The following C11orf65 variants were observed in gnomAD, a reference collection of about 807,000 sequenced individuals.
C11orf65 encodes the protein chromosome 11 open reading frame 65.
C11orf65 carries 38 observed loss-of-function variants against 35.3 expected under a neutral mutation model. That is an observed-to-expected ratio of 1.08 (90% CI 0.83 to 1.41). The LOEUF is 1.41. C11orf65 is among the 40% of genes most tolerant of loss of function. The pLI is 0.00. For synonymous variants in C11orf65, 105 were observed against 114.4 expected (o/e 0.92, Z 0.53); for missense variants, 370 against 367.1 (o/e 1.01, Z -0.06).
chr11:108,375,734 G>T (rs2091704484), intron 2 of C11orf65, among the ~76,000 whole-genome samples: 1 of 152,052 alleles, frequency 6.6e-6, no homozygotes, highest in Admixed American at 6.6e-5. Flanking sequence ...CTGTATTCAG[G>T]AAACCCATCT....
At chr11:108,340,091 A>G (rs764316396) in intron 2 of C11orf65, 4 of 152,174 alleles carry the variant, frequency 2.6e-5, no homozygotes, top group Non-Finnish European at 5.9e-5. Flanking sequence ...TTATAATGCA[A>G]AGTGTATTGT....
At chr11:108,453,117 G>C (rs1419500240) in intron 2 of C11orf65, among the ~76,000 whole-genome samples, 1 of 3,002 alleles carries the variant, frequency 3.3e-4, no homozygotes, top group Non-Finnish European at 2.5e-3. Flanking sequence ...CCTGCACGTT[G>C]TGCATGTACC....
At chr11:108,383,554 C>G (rs1297990955) in intron 8 of C11orf65, among the ~76,000 whole-genome samples, 1 of 152,338 alleles carries the variant, frequency 6.6e-6, no homozygotes, top group East Asian at 1.9e-4. Flanking sequence ...CTTAGAGCAT[C>G]TGGTATTTAG....
At chr11:108,350,802 A>C (rs2089108783) in intron 2 of C11orf65, among the ~76,000 whole-genome samples, 1 of 152,206 alleles carries the variant, frequency 6.6e-6, no homozygotes, top group African/African-American at 2.4e-5. Flanking sequence ...TGCCAACCTG[A>C]GTCCATTCAG....
chr11:108,327,659 A>G (rs2136373497), downstream of C11orf65: 2 of 1,613,830 alleles, frequency 1.2e-6, no homozygotes, highest in Non-Finnish European at 1.7e-6. Context: ...ATCCCAGCCT[A>G]AAACTTACAT....
intron 2 of C11orf65, among the ~76,000 whole-genome samples, chr11:108,352,386 T>A (rs940546303): frequency 2.0e-5 from 3 of 151,924 alleles, no homozygotes; most frequent in Admixed American, 2.0e-4. Context: ...GTAAATAAAA[T>A]AAAAAATTTC....
chr11:108,385,022 C>T (rs1309827635), intron 8 of C11orf65, among the ~76,000 whole-genome samples: 1 of 152,132 alleles, frequency 6.6e-6, no homozygotes, highest in African/African-American at 2.4e-5. Context: ...AAACTATTTT[C>T]AACATTTTGA....
chr11:108,464,329 G>A (rs1311845669), intron 1 of C11orf65, among the ~76,000 whole-genome samples: 4 of 143,240 alleles, frequency 2.8e-5, no homozygotes, highest in Admixed American at 2.2e-4. Context: ...ACGGAGTCTC[G>A]CTCTGTCGCC....
In C11orf65 at chr11:108,393,332, G is replaced by A. The variant is rs1355310878; in HGVS notation, c.607C>T (p.Leu203=). Residue 203 remains leucine (L), a synonymous_variant, in exon 7 of 9, where the codon CTA becomes TTA. Coordinates refer to ENST00000393084, the MANE Select transcript of C11orf65 (RefSeq NM_152587.5). ...LEAKSTHHET[L]GLIHTATKGL... ...TTTGTTGCAGTGTGAATTAGTCCTA[G>A]AGTTTCATGATGTGTTGACTTAGCC... 4.3e-6 allele frequency: 7 copies of A among 1,614,040 alleles called. No homozygotes were observed. Among genetic ancestry groups the A allele is most frequent in the Non-Finnish European group, 5.9e-6 (7 of 1,179,976 alleles).
chr11:108,441,512 C>T (rs2093153651), intron 2 of C11orf65, among the ~76,000 whole-genome samples: 1 of 152,224 alleles, frequency 6.6e-6, no homozygotes, highest in Non-Finnish European at 1.5e-5. Context: ...AGAGAATGGG[C>T]AGACTGCCTC....
At chr11:108,433,262 TATATATATATAG>T (rs1487174706) in intron 2 of C11orf65, among the ~76,000 whole-genome samples, 1 of 140,338 alleles carries the variant, frequency 7.1e-6, no homozygotes, top group African/African-American at 2.9e-5. Context: ...TATCTCTCTC[TATATATATATAG>T]ATATATATAG....
chr11:108,452,609 A>G (rs1172129926), intron 2 of C11orf65, among the ~76,000 whole-genome samples: 1 of 152,232 alleles, frequency 6.6e-6, no homozygotes. Flanking sequence ...TCAAGGATCT[A>G]GAACCAGAAA....
chr11:108,404,210 T>C (rs557326518), intron 6 of C11orf65, among the ~76,000 whole-genome samples: 1 of 152,204 alleles, frequency 6.6e-6, no homozygotes, highest in African/African-American at 2.4e-5. Context: ...TCTGTCCCAG[T>C]AGGATTTCCC....
At chr11:108,448,659 C>T (rs1392195125) in intron 2 of C11orf65, among the ~76,000 whole-genome samples, 1 of 152,132 alleles carries the variant, frequency 6.6e-6, no homozygotes, top group African/African-American at 2.4e-5. Flanking sequence ...ATATCTATGA[C>T]AATCCCACAG....
intron 2 of C11orf65, among the ~76,000 whole-genome samples, chr11:108,448,897 C>T (rs986471112): frequency 3.3e-5 from 5 of 152,122 alleles, no homozygotes; most frequent in Admixed American, 6.6e-5. Context: ...ATCATTTCAG[C>T]CCAAAATCTC....
At chr11:108,380,520 CA>C (rs1328231558), downstream of C11orf65, among the ~76,000 whole-genome samples, 5 of 152,214 alleles carry the variant, frequency 3.3e-5, no homozygotes, top group East Asian at 3.9e-4. Context: ...ATTAAACAAC[CA>C]GATGTATAAG....
chr11:108,347,515 T>C, intron 2 of C11orf65: 1 of 672,750 alleles, frequency 1.5e-6, no homozygotes, highest in South Asian at 1.9e-5. Context: ...TAAACAGTTG[T>C]CCTAGAAGAA....
At chr11:108,357,020 T>C (rs2090035898) in intron 2 of C11orf65, among the ~76,000 whole-genome samples, 1 of 152,180 alleles carries the variant, frequency 6.6e-6, no homozygotes, top group South Asian at 2.1e-4. Flanking sequence ...TTTCTGCATT[T>C]CCATCTGAGG....
At chr11:108,392,630 A>G (rs2092193618) in intron 7 of C11orf65, among the ~76,000 whole-genome samples, 1 of 152,212 alleles carries the variant, frequency 6.6e-6, no homozygotes. Flanking sequence ...TCCCACTAGC[A>G]GTGTATGAGT....
Sources: gnomAD v4.1 joint callset for allele counts (sites outside exome capture counted in the v4.1 genomes callset) on GRCh38, gnomAD v4.1.1 for gene constraint, MANE v1.5 for transcripts, NCBI Gene and HGNC (gene_info 2026-07-23, HGNC 2026-07-21) for gene names.